RSBN1L: variants seen among roughly 807,000 people sequenced by gnomAD.
RSBN1L encodes the protein round spermatid basic protein 1 like.
In RSBN1L, 30 loss-of-function variants were observed where a neutral mutation model predicts 67.7. The ratio of observed to expected loss-of-function variants is 0.44; its 90% CI spans 0.33 to 0.60. The LOEUF (loss-of-function observed/expected upper bound fraction) is 0.60. Ranked by LOEUF, RSBN1L falls within the 20% of genes least tolerant of loss-of-function variation. The pLI is 0.02. For synonymous variants in RSBN1L, 433 were observed against 387.0 expected (o/e 1.12, Z -1.39); for missense variants, 992 against 1,031.7 (o/e 0.96, Z 0.53).
chr7:77,731,398 G>A (rs1484885588), intron 1 of RSBN1L, among the ~76,000 whole-genome samples: 1 of 152,072 alleles, frequency 6.6e-6, no homozygotes, highest in African/African-American at 2.4e-5. Context: ...ACCGTGCCCA[G>A]CTAATTTTTG....
Position 77,778,850 on chromosome 7 carries a change from T to G in RSBN1L, c.2223T>G (p.Asp741Glu). The G allele has an allele frequency of 6.2e-7, 1 of 1,614,076 alleles. No individual in the cohort carries two copies. Among genetic ancestry groups the G allele is most frequent in the Non-Finnish European group, 8.5e-7 (1 of 1,179,964 alleles). ...SKASLDSVFS[D>E]KLHSKYELQQ... ...CCTCCTTGGATTCTGTTTTTTCAGA[T>G]AAACTTCATTCTAAATATGAATTAC... The change falls in exon 8 of 8, where the codon GAT becomes GAG. Residue 741 changes from aspartate (D) to glutamate (E), a missense_variant. By Grantham distance (45) the Asp-to-Glu change is conservative. This residue lies in a region of RSBN1L where 199 missense variants were observed against 167.7 expected (regional missense o/e 1.19). Transcript: ENST00000334955.
chr7:77,769,591 A>G (rs1418162792), intron 5 of RSBN1L, among the ~76,000 whole-genome samples: 3 of 152,206 alleles, frequency 2.0e-5, no homozygotes, highest in East Asian at 3.8e-4. Context: ...TGCAGTGGCA[A>G]TAGTATTTGG....
intron 2 of RSBN1L, among the ~76,000 whole-genome samples, chr7:77,746,244 G>A (rs1334901008): frequency 6.6e-6 from 1 of 152,202 alleles, no homozygotes; most frequent in Non-Finnish European, 1.5e-5. Flanking sequence ...AGGAAGCATG[G>A]TGCTGGCATC....
Position 77,765,617 on chromosome 7 carries a change from G to A in RSBN1L, c.1467G>A (p.Glu489=). ...YFPEFLDMLE[E]SPFLKCTLPW... ...CTGAGTTCCTTGACATGTTGGAAGAGTCACCATTTTTAAAAGTAAGAGACA... is the reference window on the plus strand; with the variant it reads ...CTGAGTTCCTTGACATGTTGGAAGAATCACCATTTTTAAAAGTAAGAGACA... The change falls in exon 4 of 8, where the codon GAG becomes GAA. Residue 489 remains glutamate, a synonymous_variant. Transcript: ENST00000334955. The A allele has an allele frequency of 6.3e-7, 1 of 1,596,418 alleles. No homozygotes were observed. The highest frequency in any genetic ancestry group is 8.5e-7 in the Non-Finnish European group (1 of 1,171,106).
chr7:77,749,245 C>T (rs1170478258), intron 2 of RSBN1L, among the ~76,000 whole-genome samples, 179 bp from the exon 3 acceptor site: 1 of 152,054 alleles, frequency 6.6e-6, no homozygotes, highest in Admixed American at 6.6e-5. Flanking sequence ...CAGAGCAAGA[C>T]TCTGTCTCAA....
At chr7:77,705,031 T>G (rs1239568397) in intron 1 of RSBN1L, among the ~76,000 whole-genome samples, 1 of 151,846 alleles carries the variant, frequency 6.6e-6, no homozygotes, top group Non-Finnish European at 1.5e-5. Context: ...AAGAGTGAGA[T>G]TCTTCCTCTA....
chr7:77,711,562 T>C (rs1386828058), intron 1 of RSBN1L, among the ~76,000 whole-genome samples: 1 of 152,130 alleles, frequency 6.6e-6, no homozygotes, highest in Non-Finnish European at 1.5e-5. Flanking sequence ...AGGCTGGTCT[T>C]GAACTCCTGC....
At chr7:77,738,847 G>T (rs1791369448) in intron 2 of RSBN1L, among the ~76,000 whole-genome samples, 1 of 152,166 alleles carries the variant, frequency 6.6e-6, no homozygotes, top group African/African-American at 2.4e-5. Flanking sequence ...GCTGAGGCAT[G>T]TGAATCGCTT....
intron 6 of RSBN1L, among the ~76,000 whole-genome samples, chr7:77,775,637 T>G (rs1184552684): frequency 6.6e-6 from 1 of 152,226 alleles, no homozygotes; most frequent in East Asian, 1.9e-4. Context: ...TGTTTTGGTG[T>G]TTTTCATTTC....
intron 5 of RSBN1L, among the ~76,000 whole-genome samples, chr7:77,771,935 A>T (rs968750620): frequency 1.3e-5 from 2 of 152,110 alleles, no homozygotes; most frequent in Non-Finnish European, 2.9e-5. Flanking sequence ...AAGGGGGTTC[A>T]CCACTACCTT....
At position 77,696,503 on chromosome 7, in the gene RSBN1L, G is replaced by A; in HGVS notation, c.34G>A (p.Ala12Thr). ...AEPPSPVHCV[A>T]AAAPTATVSE... is the part of the protein sequence containing the mutation. ...ACCGCCGAGCCCCGTGCACTGTGTC[G>A]CTGCCGCGGCCCCCACCGCCACCGT... Residue 12 changes from alanine to threonine, a missense_variant, in exon 1 of 8, where the codon GCT (alanine) becomes ACT (threonine). Physicochemically the swap from Ala to Thr is moderately conservative, Grantham distance 58. Coordinates refer to ENST00000334955, the MANE Select transcript of RSBN1L (RefSeq NM_198467.3). 6.2e-7 allele frequency: 1 copy of A among 1,613,334 alleles called. No homozygotes were observed. The highest frequency in any genetic ancestry group is 8.5e-7 in the Non-Finnish European group (1 of 1,179,710).
intron 3 of RSBN1L, among the ~76,000 whole-genome samples, chr7:77,763,452 C>G (rs920120470): frequency 2.6e-5 from 4 of 152,184 alleles, no homozygotes; most frequent in Non-Finnish European, 4.4e-5. Flanking sequence ...GTGTTCTATT[C>G]TGGTAAATGT....
intron 2 of RSBN1L, among the ~76,000 whole-genome samples, chr7:77,737,793 C>T (rs751039819): frequency 4.6e-5 from 7 of 152,062 alleles, no homozygotes; most frequent in South Asian, 2.1e-4. Context: ...GAGGCCGAGG[C>T]GGGTGGATCA....
At chr7:77,709,254 ACTCTCCTTACAGTG>A (rs1462337375) in intron 1 of RSBN1L, among the ~76,000 whole-genome samples, 6 of 144,564 alleles carry the variant, frequency 4.2e-5, no homozygotes, top group Admixed American at 3.4e-4. Context: ...CCCTTTTAGA[ACTCTCCTTACAGTG>A]GCAGATAGCA....
At chr7:77,771,941 A>G (rs1458060452) in intron 5 of RSBN1L, among the ~76,000 whole-genome samples, 5 of 152,136 alleles carry the variant, frequency 3.3e-5, no homozygotes, top group Admixed American at 3.3e-4. Flanking sequence ...GTTCACCACT[A>G]CCTTGAGGAA....
chr7:77,723,628 C>A (rs1001517897), intron 1 of RSBN1L, among the ~76,000 whole-genome samples: 3 of 151,942 alleles, frequency 2.0e-5, no homozygotes, highest in Non-Finnish European at 4.4e-5. Flanking sequence ...ACCACCATGC[C>A]CAGTTAATTT....
intron 3 of RSBN1L, among the ~76,000 whole-genome samples, chr7:77,764,454 C>T (rs1791736350): frequency 6.6e-6 from 1 of 152,118 alleles, no homozygotes. Flanking sequence ...CATTTGCTAG[C>T]ATTATGGCAG....
chr7:77,764,975 G>A (rs903149128), intron 3 of RSBN1L, among the ~76,000 whole-genome samples: 1 of 152,116 alleles, frequency 6.6e-6, no homozygotes, highest in Admixed American at 6.5e-5. Context: ...TTAATAATAG[G>A]TATATAAACT....
In RSBN1L at chr7:77,782,785, C is replaced by T. The variant is rs1792016173; in HGVS notation, c.*3617C>T. 1 of 151,876 alleles carries T rather than the reference C, an allele frequency of 6.6e-6. No individual in the cohort carries two copies. The highest frequency in any genetic ancestry group is 2.1e-4 in the South Asian group (1 of 4,808). 9.4% of individuals were successfully genotyped at this position (151,876 alleles called of 1,614,324 possible). ...TCGTTAAGGTATTTCATTAGTGTTC[C>T]TGAGTGTAAAACAGTTTTTTCCCAA... On this transcript the variant is annotated 3_prime_UTR_variant, in exon 8 of 8. Coordinates refer to ENST00000334955, the MANE Select transcript of RSBN1L (RefSeq NM_198467.3).
Sources: gnomAD v4.1 joint callset for allele counts (sites outside exome capture counted in the v4.1 genomes callset) on GRCh38, gnomAD v4.1.1 for gene constraint, gnomAD v4.1.1 regional missense constraint, MANE v1.5 for transcripts, NCBI Gene and HGNC (gene_info 2026-07-23, HGNC 2026-07-21) for gene names.